CLIP1: variants seen among roughly 807,000 people sequenced by gnomAD.
CLIP1 encodes the protein CAP-Gly domain-containing linker protein 1.
A neutral mutation model predicts 161.6 loss-of-function variants in CLIP1; 66 were observed. The observed-to-expected ratio is 0.41, with a 90% CI of 0.33 to 0.50. The LOEUF is 0.50. CLIP1 is among the 20% of genes least tolerant of loss of function. The probability of loss-of-function intolerance (pLI) is 0.27; values close to 1 mark genes in which losing one functional copy is unlikely to be tolerated. For synonymous variants in CLIP1, 598 were observed against 626.2 expected, an observed-to-expected ratio of 0.96 and a Z score of 0.67; for missense variants, 1,376 against 1,702.0, an observed-to-expected ratio of 0.81 and a Z score of 3.37.
At chr12:122,343,154 T>G (rs1952583826) in intron 10 of CLIP1, 1 of 151,166 alleles carries the variant, frequency 6.6e-6, no homozygotes, top group South Asian at 2.1e-4. Flanking sequence ...TTTTTTTTTT[T>G]TTTGAGATGG....
chr12:122,302,059 G>C (rs922548225), intron 20 of CLIP1, among the ~76,000 whole-genome samples: 8 of 152,020 alleles, frequency 5.3e-5, no homozygotes, highest in Admixed American at 2.6e-4. Flanking sequence ...GTTTTTATAA[G>C]AAATTTGATT....
chr12:122,386,610 T>A (rs1955271203), intron 1 of CLIP1, among the ~76,000 whole-genome samples: 1 of 152,158 alleles, frequency 6.6e-6, no homozygotes, highest in Non-Finnish European at 1.5e-5. Context: ...TTTTTGGCAT[T>A]TCTCTGATTA....
intron 21 of CLIP1, among the ~76,000 whole-genome samples, chr12:122,282,404 T>C (rs977948151): frequency 1.3e-5 from 2 of 152,048 alleles, no homozygotes; most frequent in East Asian, 1.9e-4. Context: ...AAAGAAGGGA[T>C]AGAGGGAACA....
rs1421009057 is a variant in CLIP1, at chr12:122,319,372, G to A, written c.3250-24C>T. 6 of 1,567,558 alleles carry A rather than the reference G, an allele frequency of 3.8e-6. No homozygotes were observed. In the South Asian group the frequency reaches 6.7e-5, roughly 17 times the overall value. On this transcript the variant is annotated intron_variant, in intron 17 of 25. Coordinates refer to ENST00000620786, the MANE Select transcript of CLIP1 (RefSeq NM_001247997.2). Reference sequence around the variant, plus strand: ...GCCTAAATACAAGGAAACACTGTGAGAAATGAGGACAGCCCTCGCCAACAC... The same window carrying A: ...GCCTAAATACAAGGAAACACTGTGAAAAATGAGGACAGCCCTCGCCAACAC...
At chr12:122,421,153 C>G (rs1398593958) in intron 1 of CLIP1, among the ~76,000 whole-genome samples, 1 of 150,924 alleles carries the variant, frequency 6.6e-6, no homozygotes, top group Admixed American at 6.6e-5. Flanking sequence ...ATGCACATGA[C>G]GACAGCACGC....
intron 1 of CLIP1, among the ~76,000 whole-genome samples, chr12:122,415,355 G>A (rs961405865): frequency 1.3e-5 from 2 of 151,692 alleles, no homozygotes; most frequent in Admixed American, 6.6e-5. Flanking sequence ...GGTGGCGGGC[G>A]CCTGTAGTCC....
chr12:122,302,906 A>T (rs1950744355), intron 20 of CLIP1, among the ~76,000 whole-genome samples: 1 of 152,052 alleles, frequency 6.6e-6, no homozygotes, highest in South Asian at 2.1e-4. Context: ...CTAAATATAG[A>T]TACATTTTTG....
At chr12:122,342,285 T>C (rs1952544088) in intron 10 of CLIP1, 1 of 152,228 alleles carries the variant, frequency 6.6e-6, no homozygotes, top group Non-Finnish European at 1.5e-5. Context: ...ACTTTCAAAG[T>C]TCACAGATAT....
intron 23 of CLIP1, 48 bp downstream of exon 23, chr12:122,278,744 C>T (rs200708673): frequency 9.9e-6 from 15 of 1,514,082 alleles, no homozygotes; most frequent in Admixed American, 6.7e-5. Context: ...AAGGGCTCCT[C>T]GGGAGGACGC....
chr12:122,405,928 C>T (rs111972390), intron 1 of CLIP1, among the ~76,000 whole-genome samples: 4,554 of 151,830 alleles, frequency 0.03, 166 homozygotes, highest in African/African-American at 0.085. Context: ...ATTAGCCGGG[C>T]ATGGCGGCAG....
At chr12:122,403,514 T>C (rs1956212889) in intron 1 of CLIP1, among the ~76,000 whole-genome samples, 1 of 149,966 alleles carries the variant, frequency 6.7e-6, no homozygotes, top group African/African-American at 2.4e-5. Flanking sequence ...TTTTTTTTTT[T>C]TTTTTGGTCT....
At chr12:122,345,080 C>T (rs1444039422) in intron 10 of CLIP1, among the ~76,000 whole-genome samples, 1 of 152,042 alleles carries the variant, frequency 6.6e-6, no homozygotes, top group Admixed American at 6.6e-5. Context: ...ACTTCAAAAG[C>T]CATCACACTA....
chr12:122,361,031 A>C lies in CLIP1; in HGVS notation c.933T>G (p.Pro311=), dbSNP rs1281263981. 1.9e-6 allele frequency: 3 copies of C among 1,614,098 alleles called. No homozygotes were observed. The highest frequency in any genetic ancestry group is 2.5e-6 in the Non-Finnish European group (3 of 1,180,044). The stretch of plus-strand genomic sequence containing the variant: ...TCATGGAGCTGAGGGAAGAGGCAGA[A>C]GGGCTGCGCTTCAGGCTGGCGGACG... The part of the protein sequence containing the change: ...ATTSASLKRS[P]SASSLSSMSS... The change falls in exon 5 of 26, where the codon CCT becomes CCG. Residue 311 remains proline (P), a synonymous_variant. Coordinates refer to ENST00000620786, the MANE Select transcript of CLIP1 (RefSeq NM_001247997.2).
At chr12:122,392,633 A>T (rs1322342376) in intron 1 of CLIP1, among the ~76,000 whole-genome samples, 1 of 151,770 alleles carries the variant, frequency 6.6e-6, no homozygotes, top group African/African-American at 2.4e-5. Flanking sequence ...CTCGAGAATC[A>T]CTCCCACTCT....
intron 17 of CLIP1, among the ~76,000 whole-genome samples, chr12:122,320,973 G>T (rs1951476797): frequency 6.6e-6 from 1 of 151,498 alleles, no homozygotes; most frequent in Admixed American, 6.6e-5. Flanking sequence ...CTCCCAAAGT[G>T]CTGGGATTAC....
At chr12:122,397,567 A>G (rs1469373069) in intron 1 of CLIP1, among the ~76,000 whole-genome samples, 1 of 145,292 alleles carries the variant, frequency 6.9e-6, no homozygotes, top group Non-Finnish European at 1.5e-5. Context: ...AAAAAAAAAA[A>G]AAAAAAAAAA....
At chr12:122,286,727 G>A (rs56147677) in intron 21 of CLIP1, among the ~76,000 whole-genome samples, 5,553 of 150,846 alleles carry the variant, frequency 0.037, 336 homozygotes, top group African/African-American at 0.12. Flanking sequence ...AGCCGGGTGC[G>A]GTGGCTCACG....
chr12:122,339,619 G>A (rs150672735), intron 11 of CLIP1, among the ~76,000 whole-genome samples: 284 of 152,138 alleles, frequency 1.9e-3, no homozygotes, highest in African/African-American at 6.3e-3. Context: ...CACCTTGCCC[G>A]GCCAACATGT....
chr12:122,286,618 A>G (rs1955867366), intron 21 of CLIP1, among the ~76,000 whole-genome samples: 1 of 149,160 alleles, frequency 6.7e-6, no homozygotes, highest in Non-Finnish European at 1.5e-5. Flanking sequence ...TATAAACACC[A>G]CCTTAGTGAA....
Sources: gnomAD v4.1 joint callset for allele counts (sites outside exome capture counted in the v4.1 genomes callset) on GRCh38, gnomAD v4.1.1 for gene constraint, MANE v1.5 for transcripts, NCBI Gene and HGNC (gene_info 2026-07-23, HGNC 2026-07-21) for gene names.